Variants in ARAP2 observed in about 807,000 individuals in gnomAD.
ARAP2 encodes the protein arf-GAP with Rho-GAP domain, ANK repeat and PH domain-containing protein 2.
A neutral mutation model predicts 194.5 loss-of-function variants in ARAP2; 148 were observed. The observed-to-expected ratio is 0.76, with a 90% CI of 0.67 to 0.87. The LOEUF (loss-of-function observed/expected upper bound fraction) is 0.87, where lower values mean the gene tolerates loss of function less well. Among genes scored for constraint, ARAP2 ranks in the 40% least tolerant of loss-of-function variants. The pLI is 0.00. For synonymous variants in ARAP2, 695 were observed against 683.5 expected (o/e 1.02, Z -0.26); for missense variants, 2,128 against 1,989.7 (o/e 1.07, Z -1.32).
intron 13 of ARAP2, 120 bp from the exon 14 acceptor site, chr4:36,159,625 G>A (rs1733445218): frequency 2.2e-6 from 2 of 898,646 alleles, no homozygotes; most frequent in Non-Finnish European, 3.0e-6. Flanking sequence ...TTATCCTAAG[G>A]CGGCTAATAA....
intron 11 of ARAP2, among the ~76,000 whole-genome samples, chr4:36,161,952 C>T (rs1734123519): frequency 2.6e-5 from 4 of 151,666 alleles, no homozygotes; most frequent in Non-Finnish European, 4.4e-5. Flanking sequence ...ACTAAAAATA[C>T]AAAAAATTAG....
chr4:36,030,110 A>C (rs1718658233), intron 5 of ARAP2, among the ~76,000 whole-genome samples: 1 of 152,124 alleles, frequency 6.6e-6, no homozygotes, highest in Admixed American at 6.6e-5. Flanking sequence ...TTTTGGATAC[A>C]GTATTCTCAA....
chr4:36,115,778 A>T (rs1560462291), intron 25 of ARAP2, among the ~76,000 whole-genome samples: 1 of 152,018 alleles, frequency 6.6e-6, no homozygotes, highest in Non-Finnish European at 1.5e-5. Flanking sequence ...AGGGTTTTGC[A>T]GAATCATAAG....
chr4:36,184,189 A>T (rs2109877395), intron 8 of ARAP2, among the ~76,000 whole-genome samples: 1 of 152,188 alleles, frequency 6.6e-6, no homozygotes, highest in African/African-American at 2.4e-5. Context: ...TTTATTAATA[A>T]CACTTTATTA....
intron 31 of ARAP2, 43 bp downstream of exon 31, chr4:36,080,173 A>T (rs1340631790): frequency 6.5e-7 from 1 of 1,527,844 alleles, no homozygotes; most frequent in Non-Finnish European, 9.0e-7. Context: ...TCCTGTAAAC[A>T]AAGTTATTAT....
intron 5 of ARAP2, among the ~76,000 whole-genome samples, chr4:36,037,849 A>G (rs1030740348): frequency 1.8e-4 from 27 of 152,326 alleles, no homozygotes; most frequent in Admixed American, 1.4e-3. Flanking sequence ...TCTCACTTGC[A>G]GTGGATTTTA....
chr4:36,199,712 C>T (rs968093200), intron 6 of ARAP2, among the ~76,000 whole-genome samples: 10 of 152,128 alleles, frequency 6.6e-5, no homozygotes, highest in Non-Finnish European at 1.3e-4. Context: ...ATAGATACCA[C>T]GTAAAGGTTA....
intron 15 of ARAP2, among the ~76,000 whole-genome samples, chr4:36,152,709 T>G (rs2109734786): frequency 6.6e-6 from 1 of 151,276 alleles, no homozygotes; most frequent in African/African-American, 2.4e-5. Context: ...GTCTATAAAA[T>G]AATCCCTTAC....
At chr4:36,137,073 G>A (rs1219886097) in intron 19 of ARAP2, among the ~76,000 whole-genome samples, 1 of 151,804 alleles carries the variant, frequency 6.6e-6, no homozygotes, top group Non-Finnish European at 1.5e-5. Context: ...TTTAAAGGCT[G>A]ATGAGATACT....
In ARAP2 at chr4:36,207,075, C is replaced by T. The variant is rs74340179; in HGVS notation, c.1487+3315G>A. On this transcript the variant is annotated intron_variant, in intron 6 of 32. Transcript: ENST00000303965. ...GGAGATGTTAATTTATGCATCTCCT[C>T]GAAGAGGCACAGCCATCCAACCATG... is the stretch of plus-strand genomic sequence containing the variant. Among the ~76,000 whole-genome samples, 1,407 of 152,274 alleles carry T rather than the reference C, an allele frequency of 9.2e-3. 10 individuals carry two copies. The highest frequency in any genetic ancestry group is 0.014 in the Non-Finnish European group (935 of 68,024).
At position 36,159,697 on chromosome 4, in the gene ARAP2, A is replaced by T. The variant is rs550964779; in HGVS notation, c.2443-192T>A. 4 of 421,044 alleles carry T rather than the reference A, an allele frequency of 9.5e-6. 1 individual carries two copies. The highest frequency in any genetic ancestry group is 1.6e-5 in the Non-Finnish European group (4 of 254,312). The allele number at this position is 421,044 out of a possible 1,614,324, so 26.1% of individuals were successfully genotyped here. On this transcript the variant is annotated intron_variant, in intron 13 of 32. Transcript: ENST00000303965. ...CCTGGTTTATGTGAATTTAAATTAC[A>T]ACCCAAGACCTCCAGGTCTCAATTC...
downstream of ARAP2, among the ~76,000 whole-genome samples, chr4:36,064,384 G>A (rs1488924849): frequency 1.3e-5 from 2 of 152,152 alleles, no homozygotes. Context: ...TGGGCTGGGG[G>A]AGGGGAGAAC....
chr4:36,139,256 T>A (rs578061628), intron 19 of ARAP2, among the ~76,000 whole-genome samples: 2 of 151,762 alleles, frequency 1.3e-5, no homozygotes, highest in South Asian at 4.1e-4. Context: ...TTTGCCTAAT[T>A]CCTGCATTTG....
chr4:36,014,608 T>A (rs568285299), intron 8 of ARAP2, among the ~76,000 whole-genome samples: 3 of 152,318 alleles, frequency 2.0e-5, no homozygotes, highest in African/African-American at 7.2e-5. Context: ...AGAAATTCAA[T>A]AGCTTTTCTA....
In ARAP2 at chr4:36,237,416, G is replaced by T. The variant is rs994214357; in HGVS notation, c.-160+6763C>A. 5.9e-5 allele frequency among the ~76,000 whole-genome samples: 9 copies of T among 152,182 alleles called. No individual in the cohort carries two copies. In the East Asian group the frequency reaches 1.7e-3, roughly 29 times the overall value. ...TTCATGTGGAAATGTGACCTCTGAT[G>T]TTGGAGGTGGGTCTAGCAGGAGGGG... On this transcript the variant is annotated intron_variant, in intron 1 of 32. Coordinates refer to ENST00000303965, the MANE Select transcript of ARAP2 (RefSeq NM_015230.4).
chr4:36,016,003 G>T (rs915898619), intron 6 of ARAP2: 2 of 152,114 alleles, frequency 1.3e-5, no homozygotes, highest in Admixed American at 1.3e-4. Context: ...AGTTTAAGGA[G>T]AAAATCACAG....
chr4:36,227,890 C>A (rs570816296), intron 2 of ARAP2, among the ~76,000 whole-genome samples: 1 of 152,254 alleles, frequency 6.6e-6, no homozygotes, highest in African/African-American at 2.4e-5. Context: ...ATTACCTCCT[C>A]CCAAACTGTT....
chr4:36,069,903 T>A (rs1457902913), intron 32 of ARAP2, among the ~76,000 whole-genome samples: 1 of 152,054 alleles, frequency 6.6e-6, no homozygotes, highest in Non-Finnish European at 1.5e-5. Flanking sequence ...TATGTTGAGA[T>A]CTGGTCCTTT....
chr4:36,067,079 G>C lies in ARAP2; in HGVS notation c.*828C>G, dbSNP rs1725642930. On this transcript the variant is annotated 3_prime_UTR_variant, in exon 33 of 33. Transcript: ENST00000303965. ...ACAATGACAGTGCAATCAGCATCCA[G>C]GCCAGGTCCTGTGTACACAACCTCT... The C allele has an allele frequency of 6.6e-6, 1 of 152,218 alleles. No individual in the cohort carries two copies. The highest frequency in any genetic ancestry group is 1.5e-5 in the Non-Finnish European group (1 of 68,040). 9.4% of individuals were successfully genotyped at this position (152,218 alleles called of 1,614,324 possible).
Sources: allele counts gnomAD v4.1 joint callset (sites outside exome capture counted in the v4.1 genomes callset), GRCh38; gene constraint gnomAD v4.1.1; transcripts MANE v1.5; gene names NCBI Gene and HGNC (gene_info 2026-07-23, HGNC 2026-07-21).